The following CNTNAP5 variants were observed in gnomAD, a reference collection of about 807,000 sequenced individuals.
The protein encoded by CNTNAP5 is contactin-associated protein-like 5.
In CNTNAP5, 72 loss-of-function variants were observed where a neutral mutation model predicts 150.2. The ratio of observed to expected loss-of-function variants is 0.48; its 90% CI spans 0.40 to 0.58. The LOEUF (loss-of-function observed/expected upper bound fraction) is 0.58. CNTNAP5 is among the 20% of genes least tolerant of loss of function. CNTNAP5 has a pLI of 0.00. For missense variants in CNTNAP5, 1,636 were observed against 1,626.2 expected, an observed-to-expected ratio of 1.01 and a Z score of -0.10; for synonymous variants, 672 against 619.8, an observed-to-expected ratio of 1.08 and a Z score of -1.25.
At chr2:124,148,007 G>A (rs565444502) in intron 1 of CNTNAP5, among the ~76,000 whole-genome samples, 1 of 152,290 alleles carries the variant, frequency 6.6e-6, no homozygotes, top group African/African-American at 2.4e-5. Flanking sequence ...GGAATGTTTG[G>A]TTGATGGCCA....
chr2:124,649,713 A>G (rs1208285786), intron 13 of CNTNAP5, among the ~76,000 whole-genome samples: 2 of 152,136 alleles, frequency 1.3e-5, no homozygotes, highest in Non-Finnish European at 1.5e-5. Flanking sequence ...CTCAATTTCT[A>G]TAGTTTCGAT....
chr2:124,231,511 T>C (rs773599925), intron 2 of CNTNAP5, among the ~76,000 whole-genome samples: 7 of 152,212 alleles, frequency 4.6e-5, no homozygotes, highest in Non-Finnish European at 8.8e-5. Context: ...TGAATAAAGA[T>C]GCTCTTGACA....
intron 1 of CNTNAP5, among the ~76,000 whole-genome samples, chr2:124,085,443 CAG>C (rs1455293428): frequency 1.3e-5 from 2 of 151,238 alleles, no homozygotes; most frequent in African/African-American, 4.9e-5. Flanking sequence ...TCAGTTTTGC[CAG>C]AGTTTTGTCA....
chr2:124,801,249 A>G (rs770900216), intron 19 of CNTNAP5, among the ~76,000 whole-genome samples: 1 of 152,210 alleles, frequency 6.6e-6, no homozygotes, highest in Non-Finnish European at 1.5e-5. Context: ...AAGAAAAGAA[A>G]TGCAGGACTA....
At chr2:124,409,911 C>A (rs1691699047) in intron 3 of CNTNAP5, among the ~76,000 whole-genome samples, 1 of 150,766 alleles carries the variant, frequency 6.6e-6, no homozygotes, top group Admixed American at 6.6e-5. Flanking sequence ...CTAAATGCTC[C>A]AATTAAAAGA....
At chr2:124,816,865 A>G (rs1430548145) in intron 19 of CNTNAP5, among the ~76,000 whole-genome samples, 1 of 152,194 alleles carries the variant, frequency 6.6e-6, no homozygotes, top group Non-Finnish European at 1.5e-5. Flanking sequence ...AGGATATTCT[A>G]TCACTTTTGC....
chr2:124,404,021 G>A (rs532428887), intron 3 of CNTNAP5, among the ~76,000 whole-genome samples: 4 of 152,292 alleles, frequency 2.6e-5, no homozygotes, highest in East Asian at 1.9e-4. Flanking sequence ...ATGACAGGTG[G>A]GGGTTATGGG....
intron 13 of CNTNAP5, among the ~76,000 whole-genome samples, chr2:124,668,750 A>T (rs1314683696): frequency 5.3e-5 from 8 of 152,220 alleles, no homozygotes; most frequent in Non-Finnish European, 1.0e-4. Flanking sequence ...AGTGTAAGTT[A>T]AAAAGAAATT....
intron 1 of CNTNAP5, among the ~76,000 whole-genome samples, chr2:124,094,991 CGT>C (rs1558753367): frequency 6.6e-6 from 1 of 152,176 alleles, no homozygotes; most frequent in Non-Finnish European, 1.5e-5. Context: ...AGCTGCACTG[CGT>C]GTGTCTTTAT....
chr2:124,890,689 G>A (rs1293725908), intron 21 of CNTNAP5, among the ~76,000 whole-genome samples: 2 of 152,034 alleles, frequency 1.3e-5, no homozygotes, highest in East Asian at 1.9e-4. Flanking sequence ...TTAAATAAAA[G>A]GCATATAAGG....
At chr2:124,199,921 G>A (rs912053744) in intron 1 of CNTNAP5, among the ~76,000 whole-genome samples, 2 of 152,106 alleles carry the variant, frequency 1.3e-5, no homozygotes, top group South Asian at 2.1e-4. Context: ...CATGAATAAT[G>A]AGAGTTACAC....
intron 3 of CNTNAP5, among the ~76,000 whole-genome samples, chr2:124,243,234 A>G (rs1054575728): frequency 2.0e-5 from 3 of 152,194 alleles, no homozygotes; most frequent in Non-Finnish European, 2.9e-5. Context: ...TTTAATCCAA[A>G]TGTGTGTAAA....
rs1682818820 is a variant in CNTNAP5, at chr2:124,091,759, G to A, written c.82+66027G>A. Among the ~76,000 whole-genome samples the A allele has an allele frequency of 2.0e-5, 3 of 152,146 alleles. No individual in the cohort carries two copies. In the South Asian group the frequency reaches 6.2e-4, roughly 32 times the overall value. On this transcript the variant is annotated intron_variant, in intron 1 of 23. Transcript: ENST00000682447. Reference sequence around the variant, plus strand: ...GATCTGGACCCTGAAATAGGTCAGAGGTCCTCAATCCATGAAATCAGATAA... The same window carrying A: ...GATCTGGACCCTGAAATAGGTCAGAAGTCCTCAATCCATGAAATCAGATAA...
At chr2:124,905,116 G>T (rs1057307446) in intron 22 of CNTNAP5, among the ~76,000 whole-genome samples, 74 of 108,410 alleles carry the variant, frequency 6.8e-4, no homozygotes, top group South Asian at 2.2e-3. Flanking sequence ...GTTTTTTTTT[G>T]TTTTTTTTTG....
intron 1 of CNTNAP5, among the ~76,000 whole-genome samples, chr2:124,042,117 C>G (rs1285173497): frequency 6.6e-6 from 1 of 152,106 alleles, no homozygotes; most frequent in Non-Finnish European, 1.5e-5. Flanking sequence ...TGCCTCGGCC[C>G]CGCAAAGTGC....
intron 1 of CNTNAP5, among the ~76,000 whole-genome samples, chr2:124,209,970 G>T (rs546974623): frequency 4.3e-4 from 66 of 152,262 alleles, no homozygotes; most frequent in African/African-American, 1.5e-3. Flanking sequence ...CAATAAATTG[G>T]CAAATCCAAG....
At chr2:124,313,017 T>C (rs1688873219) in intron 3 of CNTNAP5, among the ~76,000 whole-genome samples, 1 of 152,244 alleles carries the variant, frequency 6.6e-6, no homozygotes, top group South Asian at 2.1e-4. Context: ...TGATCAGTTC[T>C]TTCATCGGGG....
At chr2:124,448,643 A>G (rs1406705958) in intron 6 of CNTNAP5, among the ~76,000 whole-genome samples, 1 of 152,144 alleles carries the variant, frequency 6.6e-6, no homozygotes, top group Non-Finnish European at 1.5e-5. Flanking sequence ...GTCTGGCTTG[A>G]GGCCTGTTTT....
rs1448944948 is a variant in CNTNAP5, at chr2:124,917,666, C to G, written c.*3378C>G. Among the ~76,000 whole-genome samples, 2 of 151,992 alleles carry G rather than the reference C, an allele frequency of 1.3e-5. No individual in the cohort carries two copies. The highest frequency in any genetic ancestry group is 4.8e-5 in the African/African-American group (2 of 41,396). On this transcript the variant is annotated 3_prime_UTR_variant, in exon 24 of 24. Coordinates refer to ENST00000682447, the MANE Select transcript of CNTNAP5 (RefSeq NM_001367498.1). ...AACGGGTAGCAAGAGCAGGATAGAACAAAATAAAGAGATTGTTTTTCTTTT... is the reference window on the plus strand; with the variant it reads ...AACGGGTAGCAAGAGCAGGATAGAAGAAAATAAAGAGATTGTTTTTCTTTT...
Sources: gnomAD v4.1 joint callset for allele counts (sites outside exome capture counted in the v4.1 genomes callset) on GRCh38, gnomAD v4.1.1 for gene constraint, MANE v1.5 for transcripts, NCBI Gene and HGNC (gene_info 2026-07-23, HGNC 2026-07-21) for gene names.